CHEK2: variants seen among roughly 807,000 people sequenced by gnomAD.
CHEK2 encodes the protein serine/threonine-protein kinase Chk2.
CHEK2 carries 71 observed loss-of-function variants against 69.1 expected under a neutral mutation model. That is an observed-to-expected ratio of 1.03 (90% CI 0.85 to 1.25). CHEK2 has a LOEUF of 1.25. Ranked by LOEUF, CHEK2 falls within the 50% of genes most tolerant of loss-of-function variation. The probability of loss-of-function intolerance (pLI) is 0.00; values close to 1 mark genes in which losing one functional copy is unlikely to be tolerated. For missense variants in CHEK2, 664 were observed against 649.6 expected, an observed-to-expected ratio of 1.02 and a Z score of -0.24; for synonymous variants, 189 against 226.9, an observed-to-expected ratio of 0.83 and a Z score of 1.50.
At chr22:28,705,734 T>A (rs2145897963) in intron 7 of CHEK2, among the ~76,000 whole-genome samples, 1 of 151,986 alleles carries the variant, frequency 6.6e-6, no homozygotes, top group Non-Finnish European at 1.5e-5. Context: ...GTGACCAGCC[T>A]GACTAACATG....
At position 28,703,489 on chromosome 22, in the gene CHEK2, A is replaced by G. The variant is rs1198651411; in HGVS notation, c.908+16T>C. On this transcript the variant is annotated intron_variant, in intron 8 of 14. Coordinates refer to ENST00000404276, the MANE Select transcript of CHEK2 (RefSeq NM_007194.4). ...TTTGAATGGAAACAGAAATTTTTAA[A>G]AAGTTTACTACTTACAATTCCAAAA... is the stretch of plus-strand genomic sequence containing the variant. 2 of 1,276,364 alleles carry G rather than the reference A, an allele frequency of 1.6e-6. No individual in the cohort carries two copies. The highest frequency in any genetic ancestry group is 2.4e-5 in the East Asian group (1 of 41,998). The allele number at this position is 1,276,364 out of a possible 1,614,324, so 79.1% of individuals were successfully genotyped here.
At chr22:28,709,622 C>T (rs5752774) in intron 7 of CHEK2, among the ~76,000 whole-genome samples, 102,246 of 151,904 alleles carry the variant, frequency 0.67, 34,920 homozygotes, top group East Asian at 0.84. Flanking sequence ...TTTAATTTTT[C>T]TTGTTTTTTT....
chr22:28,711,476 C>T (rs1334493762), intron 6 of CHEK2, among the ~76,000 whole-genome samples: 1 of 152,092 alleles, frequency 6.6e-6, no homozygotes, highest in East Asian at 1.9e-4. Flanking sequence ...AAATACAAAA[C>T]TGTATATACA....
intron 2 of CHEK2, among the ~76,000 whole-genome samples, chr22:28,725,729 G>T (rs973663223): frequency 6.6e-6 from 1 of 152,036 alleles, no homozygotes; most frequent in Non-Finnish European, 1.5e-5. Flanking sequence ...GGGCAACATG[G>T]TGAAACCCTA....
chr22:28,703,540 A>G lies in CHEK2; in HGVS notation c.873T>C (p.Phe291=). Residue 291 remains phenylalanine, a synonymous_variant, in exon 8 of 15, where the codon TTT becomes TTC. Coordinates refer to ENST00000404276, the MANE Select transcript of CHEK2 (RefSeq NM_007194.4). ...CAATATAATAATCTTCTGCATCAAA[A>G]AAGTTTTTAATCTTGATGATGCAAG... ...NHPCIIKIKN[F]FDAEDYYIVL... is the part of the protein sequence containing the mutation. 2 of 1,559,368 alleles carry G rather than the reference A, an allele frequency of 1.3e-6. No individual in the cohort carries two copies. The highest frequency in any genetic ancestry group is 1.8e-6 in the Non-Finnish European group (2 of 1,136,494).
In CHEK2 at chr22:28,695,709, C is replaced by G. The variant is rs121908707; in HGVS notation, c.1259+1G>C. 1.2e-6 allele frequency: 2 copies of G among 1,612,592 alleles called. No homozygotes were observed. The highest frequency in any genetic ancestry group is 1.7e-6 in the Non-Finnish European group (2 of 1,178,684). On this transcript the variant is annotated splice_donor_variant, in intron 11 of 14. Coordinates refer to ENST00000404276, the MANE Select transcript of CHEK2 (RefSeq NM_007194.4). LOFTEE classifies it high-confidence loss of function. Reference sequence around the variant, plus strand: ...TGTGCAGCAATGAAAATATTTCTTACCAGATAAAAAGAATAACTCCTAAAC... The same window carrying G: ...TGTGCAGCAATGAAAATATTTCTTAGCAGATAAAAAGAATAACTCCTAAAC...
intron 5 of CHEK2, among the ~76,000 whole-genome samples, chr22:28,715,755 TTC>T (rs2053565966): frequency 6.6e-6 from 1 of 152,196 alleles, no homozygotes; most frequent in Admixed American, 6.5e-5. Context: ...AGTAAATTTT[TTC>T]TCTTACCTGA....
intron 7 of CHEK2, among the ~76,000 whole-genome samples, chr22:28,704,703 G>GT (rs2053040100): frequency 6.6e-6 from 1 of 152,128 alleles, no homozygotes; most frequent in African/African-American, 2.4e-5. Context: ...AAAAGATTTG[G>GT]TGAGTATTCA....
intron 4 of CHEK2, chr22:28,721,476 A>C (rs1199808170): frequency 3.0e-6 from 1 of 337,940 alleles, no homozygotes; most frequent in Non-Finnish European, 6.2e-6. Context: ...TAATAGAGAC[A>C]GAGTTTCACC....
chr22:28,705,179 C>T (rs534397421), intron 7 of CHEK2, among the ~76,000 whole-genome samples: 83 of 150,758 alleles, frequency 5.5e-4, no homozygotes, highest in African/African-American at 1.9e-3. Context: ...CCCGGGTTCA[C>T]GCCATTCTCC....
intron 6 of CHEK2, 65 bp from the exon 7 acceptor site, chr22:28,710,124 A>G: frequency 1.7e-6 from 2 of 1,161,358 alleles, no homozygotes; most frequent in Non-Finnish European, 2.6e-6. Flanking sequence ...AAAAACATTT[A>G]CAGTTAAACT....
At chr22:28,717,192 C>A (rs2053615684) in intron 5 of CHEK2, among the ~76,000 whole-genome samples, 1 of 152,002 alleles carries the variant, frequency 6.6e-6, no homozygotes, top group South Asian at 2.1e-4. Flanking sequence ...TCCTGGCTAA[C>A]ACAGTAAAAC....
At chr22:28,715,688 C>T (rs11913195) in intron 5 of CHEK2, among the ~76,000 whole-genome samples, 3,530 of 152,128 alleles carry the variant, frequency 0.023, 64 homozygotes, top group African/African-American at 0.048. Flanking sequence ...CCAAAGTACC[C>T]GGATTACAGG....
At chr22:28,731,427 C>A (rs542389885) in intron 2 of CHEK2, among the ~76,000 whole-genome samples, 1 of 151,900 alleles carries the variant, frequency 6.6e-6, no homozygotes, top group Non-Finnish European at 1.5e-5. Flanking sequence ...GATGACAACC[C>A]GTCCCTACTA....
intron 7 of CHEK2, among the ~76,000 whole-genome samples, chr22:28,706,717 G>A (rs528733940): frequency 6.6e-6 from 1 of 152,078 alleles, no homozygotes; most frequent in East Asian, 1.9e-4. Flanking sequence ...TCAGGAGTTC[G>A]AGACCAGCCT....
At chr22:28,739,133 G>T (rs9613668) in intron 1 of CHEK2, among the ~76,000 whole-genome samples, 1 of 151,748 alleles carries the variant, frequency 6.6e-6, no homozygotes, top group East Asian at 1.9e-4. Context: ...AGCTGGGCAT[G>T]GTGGCCCGTG....
intron 9 of CHEK2, among the ~76,000 whole-genome samples, chr22:28,699,057 C>T (rs544251826): frequency 1.3e-5 from 2 of 152,114 alleles, no homozygotes; most frequent in South Asian, 2.1e-4. Context: ...TAGACTGGAG[C>T]GCAGTGGCAT....
chr22:28,733,613 C>A (rs994208771), intron 2 of CHEK2, among the ~76,000 whole-genome samples: 4 of 152,032 alleles, frequency 2.6e-5, no homozygotes, highest in African/African-American at 9.7e-5. Context: ...AATCTATGGC[C>A]AATTCACGCA....
intron 2 of CHEK2, 25 bp downstream of exon 2, chr22:28,734,378 G>A (rs2054308232): frequency 1.2e-6 from 2 of 1,607,608 alleles, no homozygotes; most frequent in East Asian, 4.5e-5. Flanking sequence ...AACAAAACGT[G>A]ATACTATACA....
Sources: allele counts gnomAD v4.1 joint callset (sites outside exome capture counted in the v4.1 genomes callset), GRCh38; gene constraint gnomAD v4.1.1; transcripts MANE v1.5; gene names NCBI Gene and HGNC (gene_info 2026-07-23, HGNC 2026-07-21).